The following CSNK1E variants were observed in gnomAD, a reference collection of about 807,000 sequenced individuals.
CSNK1E encodes the protein casein kinase 1 epsilon, also known as casein kinase I isoform epsilon.
Under a neutral mutation model 46.1 loss-of-function variants are expected in CSNK1E, and 17 were observed. The ratio of observed to expected loss-of-function variants is 0.37; its 90% CI spans 0.25 to 0.55. The LOEUF (loss-of-function observed/expected upper bound fraction) is 0.55, where lower values mean the gene tolerates loss of function less well. Among genes scored for constraint, CSNK1E ranks in the 20% least tolerant of loss-of-function variants. The pLI, the probability that CSNK1E is intolerant of heterozygous loss-of-function variation, is 0.82. For synonymous variants in CSNK1E, 241 were observed against 242.6 expected, an observed-to-expected ratio of 0.99 and a Z score of 0.06; for missense variants, 386 against 595.4, an observed-to-expected ratio of 0.65 and a Z score of 3.66.
chr22:38,296,861 G>C, intron 7 of CSNK1E: 1 of 736,362 alleles, frequency 1.4e-6, no homozygotes, highest in Non-Finnish European at 2.2e-6. Context: ...TCCAATCTCT[G>C]CCTCCTGGGT....
Position 38,297,074 on chromosome 22 carries a change from G to A in CSNK1E, c.885+1712C>T, listed in dbSNP as rs749158007. 24 of 763,332 alleles carry A rather than the reference G, an allele frequency of 3.1e-5. 1 individual carries two copies. The Middle Eastern group carries it at 4.4e-3, about 141-fold the overall frequency. 47.3% of individuals were successfully genotyped at this position (763,332 alleles called of 1,614,324 possible). A position where few individuals can be genotyped will look rare whatever the true frequency, so the allele number is the denominator to read the frequency against. The stretch of plus-strand genomic sequence containing the variant: ...CAGGCATGAGCCACCAGGCCTGGCC[G>A]ACATTTCCAGTCTTGATTAATTTTA... On this transcript the variant is annotated intron_variant, in intron 7 of 10. Coordinates refer to ENST00000396832, the MANE Select transcript of CSNK1E (RefSeq NM_152221.3).
intron 7 of CSNK1E, chr22:38,295,524 C>G (rs529280082): frequency 4.3e-6 from 1 of 233,492 alleles, no homozygotes; most frequent in East Asian, 1.8e-4. Context: ...ACCCATGTCT[C>G]TCCCAGGAGA....
chr22:38,302,423 C>G (rs1393133143), intron 4 of CSNK1E, among the ~76,000 whole-genome samples: 2 of 152,222 alleles, frequency 1.3e-5, no homozygotes, highest in East Asian at 3.8e-4. Flanking sequence ...CTCGGCAGGT[C>G]TGGAGTTGGG....
At chr22:38,312,967 T>C (rs2092727567) in intron 2 of CSNK1E, among the ~76,000 whole-genome samples, 1 of 152,198 alleles carries the variant, frequency 6.6e-6, no homozygotes, top group Non-Finnish European at 1.5e-5. Context: ...AACTTGACCA[T>C]CTGTGCCTCA....
In CSNK1E at chr22:38,300,899, C is replaced by T. The variant is rs1458307194; in HGVS notation, c.390G>A (p.Lys130=). Residue 130 remains lysine (K), a synonymous_variant, in exon 5 of 11, where the codon AAG becomes AAA. Coordinates refer to ENST00000396832, the MANE Select transcript of CSNK1E (RefSeq NM_152221.3). The surrounding 1 kb of genome is among the most constrained non-coding windows in gnomAD (Gnocchi z 4.4). ...HSKNFIHRDV[K]PDNFLMGLGK... is the part of the protein sequence containing the mutation. ...CCAGCCCCATGAGGAAGTTGTCGGG[C>T]TTGACGTCCCGGTGGATGAAGTTCT... The T allele has an allele frequency of 6.2e-7, 1 of 1,614,198 alleles. No homozygotes were observed. Among genetic ancestry groups the T allele is most frequent in the South Asian group, 1.1e-5 (1 of 91,082 alleles).
At chr22:38,317,733 G>A (rs1392297261), upstream of CSNK1E, among the ~76,000 whole-genome samples, 1 of 151,990 alleles carries the variant, frequency 6.6e-6, no homozygotes, top group Admixed American at 6.6e-5. Context: ...GGATGGGAGG[G>A]GAGGGTCTAG....
intron 2 of CSNK1E, among the ~76,000 whole-genome samples, chr22:38,306,394 G>A (rs1485230344): frequency 1.3e-5 from 2 of 152,196 alleles, no homozygotes; most frequent in African/African-American, 2.4e-5. Context: ...GCGACTCACC[G>A]TTTTTAGTAT....
chr22:38,312,696 C>G (rs1281623020), intron 2 of CSNK1E, among the ~76,000 whole-genome samples: 1 of 152,206 alleles, frequency 6.6e-6, no homozygotes, highest in South Asian at 2.1e-4. Flanking sequence ...TTACAAAATA[C>G]TTTCCCATCT....
intron 7 of CSNK1E, chr22:38,296,694 GAA>G (rs776833014): frequency 1.2e-5 from 19 of 1,610,804 alleles, no homozygotes; most frequent in Non-Finnish European, 1.6e-5. Flanking sequence ...GGCCTGGTTG[GAA>G]AAGAGATCTT....
In CSNK1E at chr22:38,295,372, G is replaced by A. The variant is rs75738160; in HGVS notation, c.886-838C>T. Reference sequence around the variant, plus strand: ...AGAGAAGAGCATATGTGGGGGCAGCGCCCGACTGCGTTACCTAGTTCATCC... The same window carrying A: ...AGAGAAGAGCATATGTGGGGGCAGCACCCGACTGCGTTACCTAGTTCATCC... On this transcript the variant is annotated intron_variant, in intron 7 of 10. Coordinates refer to ENST00000396832, the MANE Select transcript of CSNK1E (RefSeq NM_152221.3). The A allele has an allele frequency of 1.7e-4, 163 of 979,750 alleles. No homozygotes were observed. In the East Asian group the frequency reaches 1.9e-3, roughly 12 times the overall value. The allele number at this position is 979,750 out of a possible 1,614,324, so 60.7% of individuals were successfully genotyped here. A position where few individuals can be genotyped will look rare whatever the true frequency, so the allele number is the denominator to read the frequency against.
chr22:38,301,458 A>G (rs6001091), intron 4 of CSNK1E, among the ~76,000 whole-genome samples: 1 of 151,210 alleles, frequency 6.6e-6, no homozygotes, highest in Non-Finnish European at 1.5e-5. Context: ...TTTGAGATGG[A>G]GTCTCGGTCT....
Position 38,303,388 on chromosome 22 carries a change from G to T in CSNK1E, c.77-140C>A. 1.4e-6 allele frequency: 1 copy of T among 708,912 alleles called. No homozygotes were observed. The allele number at this position is 708,912 out of a possible 1,614,324, so 43.9% of individuals were successfully genotyped here. ...CTTGAGGAGCTCTTGGGGGAGGCTG[G>T]GAAGGGGGCAAAGGAGCCCCGGCAA... On this transcript the variant is annotated intron_variant, in intron 2 of 10. Coordinates refer to ENST00000396832, the MANE Select transcript of CSNK1E (RefSeq NM_152221.3). The surrounding 1 kb of genome is among the most constrained non-coding windows in gnomAD (Gnocchi z 4.7).
chr22:38,308,358 G>C (rs1048178058), intron 2 of CSNK1E, among the ~76,000 whole-genome samples: 1 of 152,152 alleles, frequency 6.6e-6, no homozygotes, highest in African/African-American at 2.4e-5. Context: ...CAGGTTTCCA[G>C]GGGACAGTGA....
intron 4 of CSNK1E, among the ~76,000 whole-genome samples, chr22:38,301,664 T>C (rs561794602): frequency 6.6e-6 from 1 of 152,194 alleles, no homozygotes; most frequent in South Asian, 2.1e-4. Flanking sequence ...AAACTCCCGA[T>C]CTCAGGAGAT....
chr22:38,302,433 G>A (rs1322940284), intron 4 of CSNK1E, among the ~76,000 whole-genome samples: 1 of 152,152 alleles, frequency 6.6e-6, no homozygotes, highest in Non-Finnish European at 1.5e-5. Context: ...CTGGAGTTGG[G>A]CCTGAAATCA....
chr22:38,311,141 G>A lies in CSNK1E; in HGVS notation c.76+2941C>T, dbSNP rs532903371. Among the ~76,000 whole-genome samples, 62 of 152,260 alleles carry A rather than the reference G, an allele frequency of 4.1e-4. 1 individual carries two copies. The highest frequency in any genetic ancestry group is 1.4e-3 in the Admixed American group (22 of 15,300). ...AGAAACTAAGACCAATGGTGGGGGC[G>A]CAGCGCACAGCACTACTGCTGGGCC... On this transcript the variant is annotated intron_variant, in intron 2 of 10. Coordinates refer to ENST00000396832, the MANE Select transcript of CSNK1E (RefSeq NM_152221.3).
chr22:38,299,427 G>T (rs2092659071), intron 6 of CSNK1E, among the ~76,000 whole-genome samples: 2 of 152,250 alleles, frequency 1.3e-5, no homozygotes, highest in Admixed American at 1.3e-4. Context: ...TAACAGCCAG[G>T]ACAGGGAAAC....
chr22:38,300,189 T>G lies in CSNK1E; in HGVS notation c.566-124A>C, dbSNP rs765082140. 9.2e-5 allele frequency: 77 copies of G among 840,786 alleles called. No homozygotes were observed. The highest frequency in any genetic ancestry group is 1.2e-4 in the Non-Finnish European group (67 of 550,940). 52.1% of individuals were successfully genotyped at this position (840,786 alleles called of 1,614,324 possible). A position where few individuals can be genotyped will look rare whatever the true frequency, so the allele number is the denominator to read the frequency against. On this transcript the variant is annotated intron_variant, in intron 5 of 10. Transcript: ENST00000396832. The surrounding 1 kb of genome is among the most constrained non-coding windows in gnomAD (Gnocchi z 4.4). ...TGCCCCCACGTCGGATGTTGCTCACTGCACGCATTTTAAACAGGCACTGCT... is the reference window on the plus strand; with the variant it reads ...TGCCCCCACGTCGGATGTTGCTCACGGCACGCATTTTAAACAGGCACTGCT...
chr22:38,297,735 T>G, intron 7 of CSNK1E: 2 of 996,142 alleles, frequency 2.0e-6, no homozygotes, highest in Non-Finnish European at 2.4e-6. Flanking sequence ...TCCCTCAGGC[T>G]GTCCTGGCCC....
Sources: allele counts gnomAD v4.1 joint callset (sites outside exome capture counted in the v4.1 genomes callset), GRCh38; gene constraint gnomAD v4.1.1; non-coding constraint Gnocchi (gnomAD v3.1); transcripts MANE v1.5; gene names NCBI Gene and HGNC (gene_info 2026-07-23, HGNC 2026-07-21).